The following GALNT13 variants were observed in gnomAD, a reference collection of about 807,000 sequenced individuals.
GALNT13 encodes the protein UDP-GalNAc:polypeptide N-acetylgalactosaminyltransferase 13.
A neutral mutation model predicts 64.2 loss-of-function variants in GALNT13; 28 were observed. The observed-to-expected ratio is 0.44, with a 90% CI of 0.32 to 0.60. The LOEUF is 0.60. Among genes scored for constraint, GALNT13 ranks in the 20% least tolerant of loss-of-function variants. The pLI is 0.05. For synonymous variants in GALNT13, 214 were observed against 224.6 expected, an observed-to-expected ratio of 0.95 and a Z score of 0.42; for missense variants, 577 against 669.8, an observed-to-expected ratio of 0.86 and a Z score of 1.53.
chr2:154,095,281 C>T (rs11885387), intron 3 of GALNT13, among the ~76,000 whole-genome samples: 46,700 of 151,362 alleles, frequency 0.31, 7,625 homozygotes, highest in Non-Finnish European at 0.37. Flanking sequence ...GGTCTCATCC[C>T]TACTTTAAAA....
At chr2:153,783,736 T>A in the GALNT13 span, among the ~76,000 whole-genome samples, 53 of 152,280 alleles carry the variant, frequency 3.5e-4, no homozygotes, top group Non-Finnish European at 6.5e-4. Context: ...TCTCATGAGA[T>A]CTGATGGCTT....
chr2:153,159,866 T>A, the GALNT13 span, among the ~76,000 whole-genome samples: 1 of 152,202 alleles, frequency 6.6e-6, no homozygotes, highest in African/African-American at 2.4e-5. Flanking sequence ...ACATGAAAAG[T>A]TTGAGTTTCC....
At chr2:153,529,891 A>G in the GALNT13 span, among the ~76,000 whole-genome samples, 10 of 152,072 alleles carry the variant, frequency 6.6e-5, no homozygotes, top group Non-Finnish European at 1.3e-4. Context: ...GGTACAGAAC[A>G]TAATAACATA....
In GALNT13 at chr2:153,931,066, AGTGTGTGTGTGT is replaced by A. The variant is rs59409947; in HGVS notation, c.-104-13301_-104-13290del. 2.9e-3 allele frequency among the ~76,000 whole-genome samples: 405 copies of A among 138,288 alleles called. 8 individuals carry two copies. In the East Asian group the frequency reaches 0.063, roughly 21 times the overall value. 90.7% of individuals were successfully genotyped at this position (138,288 alleles called of 152,430 possible). On this transcript the variant is annotated intron_variant, in intron 2 of 12. Transcript: ENST00000392825. ...GGGTAGCTGTATTGCTGTATTCCTA[AGTGTGTGTGTGT>A]GTGTGTGTGTGTGTGTGTGTGTGTG...
chr2:153,641,799 A>G, the GALNT13 span, among the ~76,000 whole-genome samples: 35 of 152,266 alleles, frequency 2.3e-4, no homozygotes, highest in Non-Finnish European at 3.8e-4. Context: ...ACTTCAAGAA[A>G]TCTACAATTT....
chr2:153,912,719 G>A (rs549265712), intron 2 of GALNT13, among the ~76,000 whole-genome samples: 3 of 152,238 alleles, frequency 2.0e-5, no homozygotes, highest in Admixed American at 6.5e-5. Context: ...TTCTAATTCT[G>A]GGTGACTCTT....
chr2:153,658,030 A>C, the GALNT13 span, among the ~76,000 whole-genome samples: 2 of 152,092 alleles, frequency 1.3e-5, no homozygotes, highest in African/African-American at 4.8e-5. Flanking sequence ...GTATTTCTAG[A>C]CCTTTTCACA....
chr2:154,408,968 T>A lies in GALNT13; in HGVS notation c.1297-16T>A. On this transcript the variant is annotated splice_polypyrimidine_tract_variant and intron_variant, in intron 10 of 12. Coordinates refer to ENST00000392825, the MANE Select transcript of GALNT13 (RefSeq NM_052917.4). ...GATTTATGTTTTATCCCCCCCCTTT[T>A]GTGTGTTTCCTTTAGATAAGAAATG... 6.7e-7 allele frequency: 1 copy of A among 1,503,184 alleles called. No individual in the cohort carries two copies. Among genetic ancestry groups the A allele is most frequent in the Non-Finnish European group, 9.2e-7 (1 of 1,081,406 alleles). 93.1% of individuals were successfully genotyped at this position (1,503,184 alleles called of 1,614,324 possible). A position where few individuals can be genotyped will look rare whatever the true frequency, so the allele number is the denominator to read the frequency against.
At chr2:153,382,882 A>G in the GALNT13 span, among the ~76,000 whole-genome samples, 1 of 152,116 alleles carries the variant, frequency 6.6e-6, no homozygotes, top group Admixed American at 6.6e-5. Context: ...CTGAAGTATA[A>G]TAGATTATTA....
the GALNT13 span, among the ~76,000 whole-genome samples, chr2:153,241,111 G>A: frequency 6.6e-6 from 1 of 152,136 alleles, no homozygotes; most frequent in African/African-American, 2.4e-5. Flanking sequence ...TGTATATGTG[G>A]AGGGGATCTC....
chr2:154,329,737 G>A (rs924084232), intron 9 of GALNT13, among the ~76,000 whole-genome samples: 1 of 151,908 alleles, frequency 6.6e-6, no homozygotes, highest in Non-Finnish European at 1.5e-5. Context: ...TCCTAGGGGA[G>A]GGGTGTGAGT....
the GALNT13 span, among the ~76,000 whole-genome samples, chr2:153,848,257 A>G: frequency 6.6e-6 from 1 of 152,178 alleles, no homozygotes; most frequent in Non-Finnish European, 1.5e-5. Context: ...CCCTGTGGGT[A>G]ATTCTCTGAA....
At chr2:153,471,855 G>C in the GALNT13 span, among the ~76,000 whole-genome samples, 3 of 152,086 alleles carry the variant, frequency 2.0e-5, no homozygotes, top group Non-Finnish European at 4.4e-5. Context: ...CAATTTACTT[G>C]CAACATTTCC....
intron 11 of GALNT13, among the ~76,000 whole-genome samples, chr2:154,413,179 G>A (rs1356235720): frequency 2.0e-5 from 3 of 151,714 alleles, no homozygotes; most frequent in Non-Finnish European, 2.9e-5. Context: ...GTTAATTATC[G>A]TTAATGTCTG....
chr2:153,782,082 A>C, the GALNT13 span, among the ~76,000 whole-genome samples: 1 of 152,130 alleles, frequency 6.6e-6, no homozygotes, highest in Non-Finnish European at 1.5e-5. Context: ...CTAAATTCAT[A>C]TGTTGAAGAC....
chr2:153,561,670 G>T, the GALNT13 span, among the ~76,000 whole-genome samples: 8 of 120,142 alleles, frequency 6.7e-5, no homozygotes, highest in African/African-American at 2.4e-4. Flanking sequence ...TGTGTGTGTG[G>T]TGTGTATTAA....
chr2:153,268,132 C>T, the GALNT13 span, among the ~76,000 whole-genome samples: 1 of 152,168 alleles, frequency 6.6e-6, no homozygotes. Flanking sequence ...AATCCAAGTC[C>T]AAAGTGTCAT....
rs112496261 is a variant in GALNT13 at position 154,358,846 on chromosome 2, C to A, written c.1157-37145C>A. ...ATGGAAGAAATGTGTGACTTGCATT[C>A]ATAGTACTGTGAATCTGTTCACTCA... On this transcript the variant is annotated intron_variant, in intron 9 of 12. Coordinates refer to ENST00000392825, the MANE Select transcript of GALNT13 (RefSeq NM_052917.4). Among the ~76,000 whole-genome samples the A allele has an allele frequency of 1.0e-3, 157 of 152,222 alleles. 1 individual carries two copies. The highest frequency in any genetic ancestry group is 3.3e-3 in the African/African-American group (139 of 41,542).
the GALNT13 span, among the ~76,000 whole-genome samples, chr2:153,492,598 G>C: frequency 6.6e-6 from 1 of 152,092 alleles, no homozygotes; most frequent in South Asian, 2.1e-4. Context: ...AAAACAATTT[G>C]AGCATAACAA....
Sources: gnomAD v4.1 joint callset for allele counts (sites outside exome capture counted in the v4.1 genomes callset) on GRCh38, gnomAD v4.1.1 for gene constraint, MANE v1.5 for transcripts, NCBI Gene and HGNC (gene_info 2026-07-23, HGNC 2026-07-21) for gene names.